Variants in CHD6 observed in about 807,000 individuals in gnomAD.
CHD6 encodes the protein chromodomain helicase DNA binding protein 6.
CHD6 carries 50 observed loss-of-function variants against 276.9 expected under a neutral mutation model. The ratio of observed to expected loss-of-function variants is 0.18; its 90% confidence interval spans 0.14 to 0.23. The LOEUF is 0.23. Ranked by LOEUF, CHD6 falls within the 10% of genes least tolerant of loss-of-function variation. The pLI, the probability that CHD6 is intolerant of heterozygous loss-of-function variation, is 1.00. For synonymous variants in CHD6, 1,173 were observed against 1,229.3 expected (o/e 0.95, Z 0.96); for missense variants, 2,564 against 3,365.8 (o/e 0.76, Z 5.89).
intron 1 of CHD6, among the ~76,000 whole-genome samples, chr20:41,580,379 C>T (rs1273239477): frequency 6.6e-6 from 1 of 152,102 alleles, no homozygotes; most frequent in East Asian, 1.9e-4. Flanking sequence ...CTTTGCTTTA[C>T]ACATCTCTTG....
intron 1 of CHD6, among the ~76,000 whole-genome samples, chr20:41,573,736 CTG>C (rs2045443238): frequency 6.6e-6 from 1 of 152,082 alleles, no homozygotes; most frequent in Non-Finnish European, 1.5e-5. Context: ...AGTTAAGAGA[CTG>C]TATAATATCA....
At chr20:41,598,717 T>C (rs1269819528) in intron 1 of CHD6, among the ~76,000 whole-genome samples, 1 of 152,186 alleles carries the variant, frequency 6.6e-6, no homozygotes, top group Non-Finnish European at 1.5e-5. Flanking sequence ...AGGGGAAAAC[T>C]TGGCATTCCT....
chr20:41,416,430 A>G (rs1054832206), intron 33 of CHD6, among the ~76,000 whole-genome samples, 158 bp downstream of exon 33: 1 of 152,122 alleles, frequency 6.6e-6, no homozygotes, highest in East Asian at 1.9e-4. Context: ...TTCACTACAT[A>G]CAGGATAAAG....
intron 18 of CHD6, among the ~76,000 whole-genome samples, chr20:41,456,832 T>G (rs2048390585): frequency 6.6e-6 from 1 of 152,228 alleles, no homozygotes; most frequent in Middle Eastern, 3.2e-3. Flanking sequence ...ATTCATTCAT[T>G]TACTGACCAT....
intron 5 of CHD6, among the ~76,000 whole-genome samples, chr20:41,501,067 C>T (rs766078744): frequency 2.6e-5 from 4 of 152,130 alleles, no homozygotes; most frequent in Non-Finnish European, 4.4e-5. Flanking sequence ...CTGACTATGG[C>T]GAGTGGGCAG....
chr20:41,606,711 T>C (rs577034489), intron 1 of CHD6, among the ~76,000 whole-genome samples: 2 of 151,202 alleles, frequency 1.3e-5, no homozygotes, highest in African/African-American at 2.4e-5. Flanking sequence ...GTCAGTCCAC[T>C]GCAATAGCCT....
At chr20:41,422,170 T>A in intron 30 of CHD6, 91 bp from the exon 31 acceptor site, 1 of 1,345,518 alleles carries the variant, frequency 7.4e-7, no homozygotes, top group Non-Finnish European at 1.0e-6. Context: ...TCTTGGAGTT[T>A]AGCTCCCTGG....
At chr20:41,525,671 C>A (rs1252919528) in intron 3 of CHD6, among the ~76,000 whole-genome samples, 3 of 152,274 alleles carry the variant, frequency 2.0e-5, no homozygotes, top group South Asian at 4.1e-4. Context: ...CTGGAAGCCC[C>A]TAAAAAGAAC....
intron 31 of CHD6, among the ~76,000 whole-genome samples, chr20:41,418,006 T>G (rs1569053303): frequency 6.6e-6 from 1 of 152,206 alleles, no homozygotes; most frequent in Non-Finnish European, 1.5e-5. Flanking sequence ...GAAAAACACC[T>G]AAGGCAGGAA....
At chr20:41,445,641 G>A (rs2048042670) in intron 25 of CHD6, 24 bp downstream of exon 25, 5 of 1,509,680 alleles carry the variant, frequency 3.3e-6, no homozygotes, top group Non-Finnish European at 4.6e-6. Context: ...ATACAGAAGG[G>A]AACGCCTTCA....
chr20:41,485,170 G>A (rs1222319396), intron 14 of CHD6, among the ~76,000 whole-genome samples: 7 of 152,108 alleles, frequency 4.6e-5, no homozygotes, highest in Non-Finnish European at 1.0e-4. Flanking sequence ...CACATCAGGG[G>A]CACTTTAAGT....
intron 1 of CHD6, among the ~76,000 whole-genome samples, chr20:41,560,994 T>A (rs2045295436): frequency 6.6e-6 from 1 of 152,214 alleles, no homozygotes; most frequent in African/African-American, 2.4e-5. Context: ...ATTTTAGGCA[T>A]TATTTTATTG....
chr20:41,558,973 A>AGTTGTTC (rs2045271129), intron 1 of CHD6, among the ~76,000 whole-genome samples: 1 of 152,220 alleles, frequency 6.6e-6, no homozygotes, highest in East Asian at 1.9e-4. Flanking sequence ...GGAAAAAGCT[A>AGTTGTTC]CACCTTTCAG....
chr20:41,573,112 T>C (rs932983657), intron 1 of CHD6, among the ~76,000 whole-genome samples: 6 of 152,136 alleles, frequency 3.9e-5, no homozygotes, highest in African/African-American at 1.2e-4. Context: ...GGTTTCACCA[T>C]GTTAGCCAGG....
At chr20:41,415,829 T>A (rs894693320) in intron 33 of CHD6, among the ~76,000 whole-genome samples, 191 bp from the exon 34 acceptor site, 1 of 152,196 alleles carries the variant, frequency 6.6e-6, no homozygotes, top group South Asian at 2.1e-4. Flanking sequence ...GGGTCTGAGG[T>A]AGAGCCTGAG....
Position 41,415,488 on chromosome 20 carries a change from C to A in CHD6, c.6637G>T (p.Gly2213Trp). 6.2e-7 allele frequency: 1 copy of A among 1,613,826 alleles called. No individual in the cohort carries two copies. Among genetic ancestry groups the A allele is most frequent in the Non-Finnish European group, 8.5e-7 (1 of 1,179,886 alleles). The change falls in exon 34 of 37, where the codon GGG becomes TGG. Residue 2213 changes from glycine to tryptophan, a missense_variant. Coordinates refer to ENST00000373233, the MANE Select transcript of CHD6 (RefSeq NM_032221.5). Reference sequence around the variant, plus strand: ...CAGGAGAGGTCCATAGCTGACTCCCCATGCCAGCCATTGAGGATGATAGGG... The same window carrying A: ...CAGGAGAGGTCCATAGCTGACTCCCAATGCCAGCCATTGAGGATGATAGGG... ...HTPIILNGWH[G>W]ESAMDLSCSS...
Position 41,512,870 on chromosome 20 carries a change from G to C in CHD6, c.828C>G (p.Ala276=). Residue 276 remains alanine, a synonymous_variant, in exon 5 of 37, where the codon GCC becomes GCG. Transcript: ENST00000373233. The stretch of plus-strand genomic sequence containing the variant: ...CCTCCGCCTGCCAGGCCAGTGTAGA[G>C]GCTGAGAGTGCAGATGTTCGACCAG... ...LGAGRTSALS[A]STLAWQAEEP... 1 of 1,614,002 alleles carries C rather than the reference G, an allele frequency of 6.2e-7. No individual in the cohort carries two copies. Among genetic ancestry groups the C allele is most frequent in the Non-Finnish European group, 8.5e-7 (1 of 1,179,910 alleles).
intron 27 of CHD6, among the ~76,000 whole-genome samples, chr20:41,436,373 A>G (rs907009694): frequency 1.3e-5 from 2 of 152,218 alleles, no homozygotes; most frequent in Admixed American, 6.5e-5. Context: ...GTTGGTGTGG[A>G]TGGAGAATAC....
At chr20:41,445,565 A>G (rs2145627040) in intron 25 of CHD6, 100 bp downstream of exon 25, 1 of 695,172 alleles carries the variant, frequency 1.4e-6, no homozygotes, top group Non-Finnish European at 2.6e-6. Context: ...ACAGAATGAT[A>G]GAGTTTTGCA....
Sources: allele counts gnomAD v4.1 joint callset (sites outside exome capture counted in the v4.1 genomes callset), GRCh38; gene constraint gnomAD v4.1.1; transcripts MANE v1.5; gene names NCBI Gene and HGNC (gene_info 2026-07-23, HGNC 2026-07-21).